PALM2AKAP2: variants seen among roughly 807,000 people sequenced by gnomAD.
PALM2AKAP2 encodes the protein PALM2 and AKAP2 fusion.
Under a neutral mutation model 71.5 loss-of-function variants are expected in PALM2AKAP2, and 37 were observed. That is an observed-to-expected ratio of 0.52 (90% confidence interval 0.40 to 0.68). The LOEUF (loss-of-function observed/expected upper bound fraction) is 0.68. Among genes scored for constraint, PALM2AKAP2 ranks in the 30% least tolerant of loss-of-function variants. The probability of loss-of-function intolerance (pLI) is 0.00; values close to 1 mark genes in which losing one functional copy is unlikely to be tolerated. For missense variants in PALM2AKAP2, 1,224 were observed against 1,191.8 expected (o/e 1.03, Z -0.40); for synonymous variants, 468 against 478.8 (o/e 0.98, Z 0.29).
intron 1 of PALM2AKAP2, among the ~76,000 whole-genome samples, chr9:110,075,337 A>G (rs1273198279): frequency 2.0e-5 from 3 of 152,256 alleles, no homozygotes; most frequent in Non-Finnish European, 4.4e-5. Flanking sequence ...AAGCTAGTAC[A>G]TAAAATTGTT....
chr9:110,140,659 A>G (rs1489233773), intron 2 of PALM2AKAP2, among the ~76,000 whole-genome samples: 1 of 152,126 alleles, frequency 6.6e-6, no homozygotes. Flanking sequence ...TATTATCTGT[A>G]ATATGTTTAT....
At chr9:109,997,826 C>A (rs1468563595) in intron 6 of PALM2AKAP2, among the ~76,000 whole-genome samples, 1 of 152,184 alleles carries the variant, frequency 6.6e-6, no homozygotes, top group Non-Finnish European at 1.5e-5. Flanking sequence ...ATCCTGCCCT[C>A]CTCCTTCAAA....
chr9:109,740,361 G>GT (rs1481581570), intron 1 of PALM2AKAP2, among the ~76,000 whole-genome samples: 2 of 152,192 alleles, frequency 1.3e-5, no homozygotes, highest in Non-Finnish European at 2.9e-5. Context: ...AGGATAGGGA[G>GT]TGTGGTGTGG....
rs1451073453 is a variant in PALM2AKAP2, at chr9:109,801,354, A to G, written c.45+20821A>G. ...AGGAGGAAGTCTATGGACAATATCT[A>G]AAACTGGAGCATCAAGAAATAGTAA... On this transcript the variant is annotated intron_variant, in intron 1 of 9. Transcript: ENST00000302798. 2.0e-5 allele frequency among the ~76,000 whole-genome samples: 3 copies of G among 152,218 alleles called. No homozygotes were observed. The East Asian group carries it at 5.8e-4, about 29-fold the overall frequency.
At chr9:109,821,730 CAG>C (rs762302207) in intron 1 of PALM2AKAP2, among the ~76,000 whole-genome samples, 2 of 152,162 alleles carry the variant, frequency 1.3e-5, no homozygotes, top group African/African-American at 2.4e-5. Context: ...CTCCATGAAA[CAG>C]GGAGCTGCCC....
chr9:109,929,367 C>T lies in PALM2AKAP2; in HGVS notation c.395-2560C>T, dbSNP rs1306081515. Among the ~76,000 whole-genome samples, 4 of 152,008 alleles carry T rather than the reference C, an allele frequency of 2.6e-5. No homozygotes were observed. The East Asian group carries it at 7.7e-4, about 29-fold the overall frequency. ...GGAAGTTCTACAAATCTGCTCTGGTCATCCCTTCTTTCCTAAACTGACCCT... is the reference window on the plus strand; with the variant it reads ...GGAAGTTCTACAAATCTGCTCTGGTTATCCCTTCTTTCCTAAACTGACCCT... On this transcript the variant is annotated intron_variant, in intron 5 of 9. Transcript: ENST00000302798.
chr9:110,104,983 T>C (rs1294598343), intron 1 of PALM2AKAP2, among the ~76,000 whole-genome samples: 1 of 152,220 alleles, frequency 6.6e-6, no homozygotes, highest in South Asian at 2.1e-4. Flanking sequence ...AATAGATTGA[T>C]AAATTGACTC....
chr9:109,789,920 G>C (rs1486706538), intron 1 of PALM2AKAP2, among the ~76,000 whole-genome samples: 1 of 152,138 alleles, frequency 6.6e-6, no homozygotes, highest in African/African-American at 2.4e-5. Flanking sequence ...CAGACTGACA[G>C]ACACAGAGAC....
In PALM2AKAP2 at chr9:109,654,750, G is replaced by GGTGTGTGTGTGT. The variant is rs374397482; in HGVS notation, c.5+13901_5+13912dup. 7.1e-3 allele frequency among the ~76,000 whole-genome samples: 1,039 copies of GGTGTGTGTGTGT among 147,282 alleles called. 10 individuals carry two copies. Among genetic ancestry groups the GGTGTGTGTGTGT allele is most frequent in the South Asian group, 0.02 (88 of 4,502 alleles). ...TAGAGGTGCCTGTATGTATGTGTAT[G>GGTGTGTGTGTGT]GTGTGTGTGTGTGTGTGTGTGTGTG... On this transcript the variant is annotated intron_variant, in intron 1 of 6. Transcript: ENST00000374531.
At chr9:109,719,864 A>G (rs1828379887) in intron 1 of PALM2AKAP2, among the ~76,000 whole-genome samples, 1 of 152,240 alleles carries the variant, frequency 6.6e-6, no homozygotes. Flanking sequence ...TAACCCAGTA[A>G]TGGCATAGCC....
chr9:110,026,132 G>C (rs1833179067), intron 7 of PALM2AKAP2, among the ~76,000 whole-genome samples: 1 of 151,898 alleles, frequency 6.6e-6, no homozygotes, highest in African/African-American at 2.4e-5. Context: ...ACCCAGGCTG[G>C]AGCACAGTGT....
intron 1 of PALM2AKAP2, chr9:110,090,524 C>T (rs750530258): frequency 2.1e-5 from 9 of 435,068 alleles, no homozygotes; most frequent in Non-Finnish European, 4.2e-5. Flanking sequence ...TCTTCAGGGA[C>T]ATTGCATTTA....
intron 1 of PALM2AKAP2, among the ~76,000 whole-genome samples, chr9:110,132,278 C>G (rs137936789): frequency 1.3e-3 from 203 of 152,146 alleles, no homozygotes; most frequent in African/African-American, 4.7e-3. Context: ...TGGTGTCGAA[C>G]TCCTGACCTC....
At chr9:110,001,397 T>C (rs572042115) in intron 6 of PALM2AKAP2, among the ~76,000 whole-genome samples, 22 of 152,340 alleles carry the variant, frequency 1.4e-4, no homozygotes, top group African/African-American at 4.6e-4. Context: ...ACCAGTACCA[T>C]GCTGTTTTGG....
intron 6 of PALM2AKAP2, among the ~76,000 whole-genome samples, chr9:109,940,678 T>TAGGC (rs780877921): frequency 6.6e-6 from 1 of 152,052 alleles, no homozygotes; most frequent in Non-Finnish European, 1.5e-5. Flanking sequence ...GAAGGCTATC[T>TAGGC]AGGCAGAGGG....
chr9:109,994,554 C>T (rs970501675), intron 6 of PALM2AKAP2, among the ~76,000 whole-genome samples: 5 of 152,262 alleles, frequency 3.3e-5, no homozygotes, highest in South Asian at 4.2e-4. Flanking sequence ...TAGACTCAAA[C>T]CCTCTAAACA....
intron 4 of PALM2AKAP2, among the ~76,000 whole-genome samples, chr9:109,924,353 C>A (rs755755269): frequency 2.9e-4 from 44 of 152,058 alleles, no homozygotes; most frequent in Non-Finnish European, 1.0e-4. Flanking sequence ...AATCCCAGCA[C>A]TTTGGGAGGC....
intron 3 of PALM2AKAP2, among the ~76,000 whole-genome samples, chr9:109,900,521 A>G (rs990392641): frequency 2.0e-5 from 3 of 152,172 alleles, no homozygotes; most frequent in African/African-American, 7.2e-5. Context: ...ACCATGGAGG[A>G]CCTTAGGATT....
intron 5 of PALM2AKAP2, 77 bp downstream of exon 5, chr9:109,925,159 A>C: frequency 6.3e-7 from 1 of 1,597,202 alleles, no homozygotes; most frequent in Non-Finnish European, 8.6e-7. Context: ...ACAGGGGCTT[A>C]AGGAAGAGGT....
Sources: gnomAD v4.1 joint callset for allele counts (sites outside exome capture counted in the v4.1 genomes callset) on GRCh38, gnomAD v4.1.1 for gene constraint, MANE v1.5 for transcripts, NCBI Gene and HGNC (gene_info 2026-07-23, HGNC 2026-07-21) for gene names.